The following ARPC5 variants were observed in gnomAD, a reference collection of about 807,000 sequenced individuals.
ARPC5 encodes the protein actin related protein 2/3 complex subunit 5.
ARPC5 carries 5 observed loss-of-function variants against 15.4 expected under a neutral mutation model. The observed-to-expected ratio is 0.32, with a 90% CI of 0.17 to 0.68. The LOEUF is 0.68. Ranked by LOEUF, ARPC5 falls within the 30% of genes least tolerant of loss-of-function variation. ARPC5 has a pLI of 0.71. For synonymous variants in ARPC5, 85 were observed against 72.2 expected (o/e 1.18, Z -0.90); for missense variants, 138 against 192.8 (o/e 0.72, Z 1.68).
chr1:183,635,744 C>T lies in ARPC5; in HGVS notation c.-85G>A, dbSNP rs1649477968. 1 of 1,530,752 alleles carries T rather than the reference C, an allele frequency of 6.5e-7. No homozygotes were observed. Among genetic ancestry groups the T allele is most frequent in the Non-Finnish European group, 8.8e-7 (1 of 1,133,628 alleles). The allele number at this position is 1,530,752 out of a possible 1,614,324, so 94.8% of individuals were successfully genotyped here. The stretch of plus-strand genomic sequence containing the variant: ...AGCCCAGCAACCCACTACCCGGCGC[C>T]TGATTCACTTCCCTCTTCCGCTCTG... On this transcript the variant is annotated 5_prime_UTR_variant, in exon 1 of 4. Coordinates refer to ENST00000359856, the MANE Select transcript of ARPC5 (RefSeq NM_005717.4).
intron 2 of ARPC5, chr1:183,632,301 T>C (rs961150309): frequency 2.0e-5 from 3 of 152,176 alleles, no homozygotes; most frequent in Admixed American, 1.3e-4. Flanking sequence ...GAAGGGCAAT[T>C]TGGCAATACT....
In ARPC5 at chr1:183,632,940, T is replaced by C. The variant is rs2231239; in HGVS notation, c.216+142A>G. On this transcript the variant is annotated intron_variant, in intron 2 of 3. Coordinates refer to ENST00000359856, the MANE Select transcript of ARPC5 (RefSeq NM_005717.4). ...TAGGGCTATTTTTTCACGTGAAATT[T>C]TTACCTATCAAACTACATTATAAAC... 28,728 of 628,392 alleles carry C rather than the reference T, an allele frequency of 0.046. 1,500 individuals carry two copies. Among genetic ancestry groups the C allele is most frequent in the African/African-American group, 0.21 (10,757 of 51,468 alleles). The allele number at this position is 628,392 out of a possible 1,614,324, so 38.9% of individuals were successfully genotyped here. A position where few individuals can be genotyped will look rare whatever the true frequency, so the allele number is the denominator to read the frequency against.
At position 183,635,743 on chromosome 1, in the gene ARPC5, C is replaced by A. The variant is rs1261999513; in HGVS notation, c.-84G>T. 6.5e-6 allele frequency: 10 copies of A among 1,532,834 alleles called. No individual in the cohort carries two copies. Among genetic ancestry groups the A allele is most frequent in the African/African-American group, 1.4e-5 (1 of 72,584 alleles). The allele number at this position is 1,532,834 out of a possible 1,614,324, so 95.0% of individuals were successfully genotyped here. A position where few individuals can be genotyped will look rare whatever the true frequency, so the allele number is the denominator to read the frequency against. On this transcript the variant is annotated 5_prime_UTR_variant, in exon 1 of 4. Transcript: ENST00000359856. ...CAGCCCAGCAACCCACTACCCGGCG[C>A]CTGATTCACTTCCCTCTTCCGCTCT...
At chr1:183,629,525 A>C (rs1213147276) in intron 3 of ARPC5, among the ~76,000 whole-genome samples, 1 of 152,166 alleles carries the variant, frequency 6.6e-6, no homozygotes, top group East Asian at 1.9e-4. Context: ...ACTCAGATAC[A>C]CTTCAAACAC....
rs1042664482 is a variant in ARPC5, at chr1:183,625,437, C to T, written c.*2095G>A. 6.6e-6 allele frequency: 1 copy of T among 152,216 alleles called. No homozygotes were observed. The highest frequency in any genetic ancestry group is 2.4e-5 in the African/African-American group (1 of 41,460). The allele number at this position is 152,216 out of a possible 1,614,324, so 9.4% of individuals were successfully genotyped here. On this transcript the variant is annotated 3_prime_UTR_variant, in exon 4 of 4. Coordinates refer to ENST00000359856, the MANE Select transcript of ARPC5 (RefSeq NM_005717.4). ...ACAAATATGAACTCCAGAATTTTTC[C>T]AAACGCTTCAGTTATGAAAGTGATG...
In ARPC5 at chr1:183,621,596, T is replaced by C. The variant is rs997423813; in HGVS notation, c.*5936A>G. 2.0e-5 allele frequency: 3 copies of C among 152,250 alleles called. No homozygotes were observed. The highest frequency in any genetic ancestry group is 4.4e-5 in the Non-Finnish European group (3 of 68,036). The allele number at this position is 152,250 out of a possible 1,614,324, so 9.4% of individuals were successfully genotyped here. A position where few individuals can be genotyped will look rare whatever the true frequency, so the allele number is the denominator to read the frequency against. Reference sequence around the variant, plus strand: ...AAAGGAATAAAGAATGGCTACTCCATAGGCAGAGCAGCCCCGAGGGCTGCT... The same window carrying C: ...AAAGGAATAAAGAATGGCTACTCCACAGGCAGAGCAGCCCCGAGGGCTGCT... On this transcript the variant is annotated 3_prime_UTR_variant, in exon 4 of 4. Coordinates refer to ENST00000359856, the MANE Select transcript of ARPC5 (RefSeq NM_005717.4).
In ARPC5 at chr1:183,635,531, G is replaced by A. The variant is rs17854921; in HGVS notation, c.129C>T (p.Asp43=). 1.9e-6 allele frequency: 3 copies of A among 1,612,318 alleles called. No homozygotes were observed. The highest frequency in any genetic ancestry group is 2.5e-6 in the Non-Finnish European group (3 of 1,179,514). Residue 43 remains aspartate (D), a synonymous_variant, in exon 1 of 4, where the codon GAC becomes GAT. Transcript: ENST00000359856. The part of the protein sequence containing the change: ...GQAGPDEGEV[D]SCLRQGNMTA... The stretch of plus-strand genomic sequence containing the variant: ...TGCAAGGATATTGCCGCAGGCAGGA[G>A]TCCACCTCGCCCTCGTCGGGCCCGG...
rs1649018968 is a variant in ARPC5 at position 183,624,231 on chromosome 1, G to C, written c.*3301C>G. The C allele has an allele frequency of 6.6e-6, 1 of 151,966 alleles. No homozygotes were observed. 9.4% of individuals were successfully genotyped at this position (151,966 alleles called of 1,614,324 possible). ...GTTAAAAACATTAAAACTGCAGCTG[G>C]GCGCGGTGGCTCACGCATGTAATCC... On this transcript the variant is annotated 3_prime_UTR_variant, in exon 4 of 4. Transcript: ENST00000359856.
intron 1 of ARPC5, among the ~76,000 whole-genome samples, chr1:183,634,693 T>C (rs779286958): frequency 3.3e-5 from 5 of 152,242 alleles, no homozygotes; most frequent in African/African-American, 4.8e-5. Context: ...TTCTGCTTTA[T>C]ACGAATGACT....
intron 1 of ARPC5, chr1:183,633,655 T>A (rs554555054): frequency 2.6e-5 from 4 of 152,342 alleles, no homozygotes; most frequent in African/African-American, 9.7e-5. Flanking sequence ...TGATACACAT[T>A]AGCAATCTCT....
chr1:183,631,777 T>G (rs75986910), intron 2 of ARPC5: 11 of 152,330 alleles, frequency 7.2e-5, no homozygotes, highest in Middle Eastern at 3.4e-3. Context: ...GTGATGTTCA[T>G]TAATAATGAT....
intron 2 of ARPC5, chr1:183,632,880 G>C: frequency 2.4e-6 from 1 of 423,524 alleles, no homozygotes; most frequent in Non-Finnish European, 4.2e-6. Flanking sequence ...TGAACTTACT[G>C]TATCTTACCA....
rs1322674704 is a variant in ARPC5 at position 183,623,895 on chromosome 1, T to G, written c.*3637A>C. On this transcript the variant is annotated 3_prime_UTR_variant, in exon 4 of 4. Coordinates refer to ENST00000359856, the MANE Select transcript of ARPC5 (RefSeq NM_005717.4). ...AAAATTAGCTGGGCACGGTGATGCG[T>G]GCCTGTAATCCGAGCTACTCAGGAG... The G allele has an allele frequency of 1.5e-5, 3 of 206,368 alleles. No individual in the cohort carries two copies. The East Asian group carries it at 3.5e-4, about 24-fold the overall frequency. 12.8% of individuals were successfully genotyped at this position (206,368 alleles called of 1,614,324 possible).
rs1648996463 is a variant in ARPC5 at position 183,623,568 on chromosome 1, A to G, written c.*3964T>C. 1 of 1,523,050 alleles carries G rather than the reference A, an allele frequency of 6.6e-7. No individual in the cohort carries two copies. Among genetic ancestry groups the G allele is most frequent in the African/African-American group, 1.4e-5 (1 of 72,638 alleles). 94.3% of individuals were successfully genotyped at this position (1,523,050 alleles called of 1,614,324 possible). On this transcript the variant is annotated 3_prime_UTR_variant, in exon 4 of 4. Coordinates refer to ENST00000359856, the MANE Select transcript of ARPC5 (RefSeq NM_005717.4). ...GTGGGGCAGAGGTCCCGCGGCAGGA[A>G]TATGGACAGAAGCAGCCTTGTTTAA... is the stretch of plus-strand genomic sequence containing the variant.
rs1648966775 is a variant in ARPC5 at position 183,622,483 on chromosome 1, C to T, written c.*5049G>A. 1 of 152,098 alleles carries T rather than the reference C, an allele frequency of 6.6e-6. No individual in the cohort carries two copies. Among genetic ancestry groups the T allele is most frequent in the Non-Finnish European group, 1.5e-5 (1 of 68,022 alleles). 9.4% of individuals were successfully genotyped at this position (152,098 alleles called of 1,614,324 possible). The stretch of plus-strand genomic sequence containing the variant: ...CATTGGCCATTTAAGTTATTCATTA[C>T]CCTAAGGGTTGACAGAATTAGAAAA... On this transcript the variant is annotated 3_prime_UTR_variant, in exon 4 of 4. Transcript: ENST00000359856.
At position 183,622,324 on chromosome 1, in the gene ARPC5, A is replaced by G. The variant is rs745561985; in HGVS notation, c.*5208T>C. The stretch of plus-strand genomic sequence containing the variant: ...TATTTGAAAACGAATAAAAACTAAA[A>G]TGAATAAAATACAGAACCATTGGCT... On this transcript the variant is annotated 3_prime_UTR_variant, in exon 4 of 4. Transcript: ENST00000359856. 1 of 151,540 alleles carries G rather than the reference A, an allele frequency of 6.6e-6. No individual in the cohort carries two copies. The highest frequency in any genetic ancestry group is 1.5e-5 in the Non-Finnish European group (1 of 68,034). 9.4% of individuals were successfully genotyped at this position (151,540 alleles called of 1,614,324 possible).
At position 183,624,004 on chromosome 1, in the gene ARPC5, C is replaced by T. The variant is rs112678981; in HGVS notation, c.*3528G>A. ...TGCCATTGCACTCCAGCCTGAGCAA[C>T]AGAGCAAGACTCCATCTCAAAAAAA... On this transcript the variant is annotated 3_prime_UTR_variant, in exon 4 of 4. Coordinates refer to ENST00000359856, the MANE Select transcript of ARPC5 (RefSeq NM_005717.4). The T allele has an allele frequency of 0.019, 3,105 of 161,624 alleles. 79 individuals carry two copies. Among genetic ancestry groups the T allele is most frequent in the African/African-American group, 0.065 (2,658 of 40,632 alleles). The allele number at this position is 161,624 out of a possible 1,614,324, so 10.0% of individuals were successfully genotyped here. A position where few individuals can be genotyped will look rare whatever the true frequency, so the allele number is the denominator to read the frequency against.
chr1:183,622,884 A>C lies in ARPC5; in HGVS notation c.*4648T>G, dbSNP rs1417322416. On this transcript the variant is annotated 3_prime_UTR_variant, in exon 4 of 4. Transcript: ENST00000359856. ...GGTATTTGAACCCAAGAATTATTTT[A>C]CTCTTTGTATAGTTCTCAATTTGTA... 1 of 153,080 alleles carries C rather than the reference A, an allele frequency of 6.5e-6. No homozygotes were observed. Among genetic ancestry groups the C allele is most frequent in the Non-Finnish European group, 1.5e-5 (1 of 68,696 alleles). 9.5% of individuals were successfully genotyped at this position (153,080 alleles called of 1,614,324 possible).
Position 183,627,424 on chromosome 1 carries a change from A to G in ARPC5, c.*108T>C. On this transcript the variant is annotated 3_prime_UTR_variant, in exon 4 of 4. Transcript: ENST00000359856. ...CAGATATGAAAAAGCAAGAAGGCAA[A>G]GCTGAGAGAAACAGATGCTACCCAC... 1 of 905,346 alleles carries G rather than the reference A, an allele frequency of 1.1e-6. No homozygotes were observed. Among genetic ancestry groups the G allele is most frequent in the Non-Finnish European group, 1.8e-6 (1 of 553,656 alleles). The allele number at this position is 905,346 out of a possible 1,614,324, so 56.1% of individuals were successfully genotyped here. A position where few individuals can be genotyped will look rare whatever the true frequency, so the allele number is the denominator to read the frequency against.
Sources: gnomAD v4.1 joint callset for allele counts (sites outside exome capture counted in the v4.1 genomes callset) on GRCh38, gnomAD v4.1.1 for gene constraint, MANE v1.5 for transcripts, NCBI Gene and HGNC (gene_info 2026-07-23, HGNC 2026-07-21) for gene names.